BCL11B: variants seen among roughly 807,000 people sequenced by gnomAD.
BCL11B encodes the protein B-cell lymphoma/leukemia 11B.
Under a neutral mutation model 49.9 loss-of-function variants are expected in BCL11B, and 8 were observed. The observed-to-expected ratio is 0.16, with a 90% CI of 0.09 to 0.29. BCL11B has a LOEUF of 0.29. BCL11B is among the 10% of genes least tolerant of loss of function. BCL11B has a pLI of 1.00. For missense variants in BCL11B, 1,006 were observed against 1,351.0 expected (o/e 0.74, Z 4.00); for synonymous variants, 739 against 637.4 (o/e 1.16, Z -2.40).
chr14:99,251,157 G>A (rs753142330), intron 2 of BCL11B, among the ~76,000 whole-genome samples: 1 of 152,166 alleles, frequency 6.6e-6, no homozygotes, highest in Non-Finnish European at 1.5e-5. Context: ...GTCCTGACTC[G>A]AGATAATTGG....
At chr14:99,180,802 G>A (rs1886678524) in intron 3 of BCL11B, among the ~76,000 whole-genome samples, 1 of 152,174 alleles carries the variant, frequency 6.6e-6, no homozygotes, top group African/African-American at 2.4e-5. Context: ...AAACCCTGGA[G>A]GACATTTAAT....
In BCL11B at chr14:99,257,515, A is replaced by G. The variant is rs1889200887; in HGVS notation, c.383T>C (p.Leu128Pro). Reference protein sequence around the residue: ...QVTPDEDDHLLSPTKGICPKQ... With the variant: ...QVTPDEDDHLPSPTKGICPKQ... ...GGGACAGATGCCTTTCGTGGGTGAGAGCAGGTGGTCATCTTCGTCGGGGGT... is the reference window on the plus strand; with the variant it reads ...GGGACAGATGCCTTTCGTGGGTGAGGGCAGGTGGTCATCTTCGTCGGGGGT... Residue 128 changes from leucine to proline, a missense_variant, in exon 2 of 4, where the codon CTC becomes CCC. Transcript: ENST00000357195. The surrounding 1 kb of genome is among the most constrained non-coding windows in gnomAD (Gnocchi z 6.2). 5.0e-6 allele frequency: 8 copies of G among 1,612,942 alleles called. No individual in the cohort carries two copies. Among genetic ancestry groups the G allele is most frequent in the Non-Finnish European group, 6.8e-6 (8 of 1,179,244 alleles).
chr14:99,271,731 A>C lies in BCL11B; in HGVS notation c.-513T>G, dbSNP rs1889696649. ...AAAGCGCACTTCTACCAGGAGGGGA[A>C]AAAAAATGCAAACAAATAAAAAAAT... is the stretch of plus-strand genomic sequence containing the variant. On this transcript the variant is annotated 5_prime_UTR_variant, in exon 1 of 4. Coordinates refer to ENST00000357195, the MANE Select transcript of BCL11B (RefSeq NM_138576.4). 6.6e-6 allele frequency among the ~76,000 whole-genome samples: 1 copy of C among 151,848 alleles called. No homozygotes were observed. The highest frequency in any genetic ancestry group is 1.5e-5 in the Non-Finnish European group (1 of 67,990).
intron 3 of BCL11B, among the ~76,000 whole-genome samples, chr14:99,185,437 A>T (rs1298746992): frequency 1.4e-5 from 1 of 73,680 alleles, no homozygotes; most frequent in Non-Finnish European, 2.3e-5. Flanking sequence ...ACTCTGCCTT[A>T]AAAAAAAAGA....
Position 99,198,858 on chromosome 14 carries a change from G to C in BCL11B, c.641-22663C>G, listed in dbSNP as rs558778258. The stretch of plus-strand genomic sequence containing the variant: ...GTTTTAGAAAACTCTTCGGCGAATG[G>C]GGCTAGCAGGCTTCCGACTCTCTGC... On this transcript the variant is annotated intron_variant, in intron 3 of 3. Transcript: ENST00000357195. 4.6e-5 allele frequency among the ~76,000 whole-genome samples: 7 copies of C among 152,160 alleles called. No homozygotes were observed. In the South Asian group the frequency reaches 1.2e-3, roughly 27 times the overall value.
intron 3 of BCL11B, among the ~76,000 whole-genome samples, chr14:99,188,133 T>A (rs960299107): frequency 6.6e-6 from 1 of 152,232 alleles, no homozygotes; most frequent in African/African-American, 2.4e-5. Context: ...AAACAGCAGA[T>A]ATGCACTTGT....
chr14:99,257,739 A>G lies in BCL11B; in HGVS notation c.159T>C (p.Pro53=), dbSNP rs1889212646. 3.7e-6 allele frequency: 6 copies of G among 1,610,668 alleles called. No homozygotes were observed. Among genetic ancestry groups the G allele is most frequent in the Non-Finnish European group, 5.1e-6 (6 of 1,177,498 alleles). ...GACACTGGCCACAGGTGAGCAGGTCAGGGTCGGGGCCACCCACCATCAGCC... is the reference window on the plus strand; with the variant it reads ...GACACTGGCCACAGGTGAGCAGGTCGGGGTCGGGGCCACCCACCATCAGCC... ...GLGLMVGGPD[P]DLLTCGQCQM... Residue 53 remains proline, a synonymous_variant, in exon 2 of 4, where the codon CCT becomes CCC. Transcript: ENST00000357195. This position sits in a 1 kb window ranked among gnomAD's most constrained non-coding sequence, Gnocchi z 6.2.
In BCL11B at chr14:99,232,082, T is replaced by A. The variant is rs761578279; in HGVS notation, c.428-525A>T. On this transcript the variant is annotated intron_variant, in intron 2 of 3. Coordinates refer to ENST00000357195, the MANE Select transcript of BCL11B (RefSeq NM_138576.4). This position sits in a 1 kb window ranked among gnomAD's most constrained non-coding sequence, Gnocchi z 5.1. ...GGTCCGCCTCCAGGTGTCTGGGCTC[T>A]GTTAGCCTCCTGTCTGGCAGACCAC... Among the ~76,000 whole-genome samples the A allele has an allele frequency of 2.0e-5, 3 of 152,168 alleles. No homozygotes were observed. The highest frequency in any genetic ancestry group is 4.4e-5 in the Non-Finnish European group (3 of 68,016).
intron 3 of BCL11B, among the ~76,000 whole-genome samples, chr14:99,230,993 G>A (rs1888313550): frequency 6.6e-6 from 1 of 152,176 alleles, no homozygotes; most frequent in South Asian, 2.1e-4. Context: ...ATTGTCTGGG[G>A]TGGGGGAGGG....
At chr14:99,268,262 G>T (rs936176571) in intron 1 of BCL11B, among the ~76,000 whole-genome samples, 3 of 151,668 alleles carry the variant, frequency 2.0e-5, no homozygotes, top group African/African-American at 7.3e-5. Context: ...CTTCTCAGAC[G>T]CTCCCTCCCC....
At chr14:99,220,687 A>AG (rs1465439980) in intron 3 of BCL11B, among the ~76,000 whole-genome samples, 1 of 151,430 alleles carries the variant, frequency 6.6e-6, no homozygotes, top group East Asian at 1.9e-4. Flanking sequence ...CAATGTACTT[A>AG]TTGCCACCGA....
In BCL11B at chr14:99,228,995, CATGGATGA is replaced by C. The variant is rs1342124389; in HGVS notation, c.640+2342_640+2349del. ...GGATGCATGGATGGATGGATGGCTA[CATGGATGA>C]ATGGATGGATGGATGGATGGATGGA... On this transcript the variant is annotated intron_variant, in intron 3 of 3. Coordinates refer to ENST00000357195, the MANE Select transcript of BCL11B (RefSeq NM_138576.4). The surrounding 1 kb of genome is among the most constrained non-coding windows in gnomAD (Gnocchi z 4.8). 4.9e-5 allele frequency among the ~76,000 whole-genome samples: 4 copies of C among 81,260 alleles called. No homozygotes were observed. The highest frequency in any genetic ancestry group is 4.0e-4 in the South Asian group (1 of 2,528). 53.3% of individuals were successfully genotyped at this position (81,260 alleles called of 152,430 possible).
Position 99,262,708 on chromosome 14 carries a change from A to C in BCL11B, c.59-4869T>G, listed in dbSNP as rs73342800. On this transcript the variant is annotated intron_variant, in intron 1 of 3. Transcript: ENST00000357195. This position sits in a 1 kb window ranked among gnomAD's most constrained non-coding sequence, Gnocchi z 4.2. ...CCATAATCTACGAAGAGATCTTTTC[A>C]TCTCCTCTCCGTGAACACTTGGGGA... Among the ~76,000 whole-genome samples, 4 of 152,088 alleles carry C rather than the reference A, an allele frequency of 2.6e-5. No individual in the cohort carries two copies.
intron 2 of BCL11B, among the ~76,000 whole-genome samples, chr14:99,251,129 G>A (rs1888997067): frequency 6.6e-6 from 1 of 152,164 alleles, no homozygotes; most frequent in Non-Finnish European, 1.5e-5. Flanking sequence ...GGCACCCTGG[G>A]ATGGCAAAAA....
rs141416404 is a variant in BCL11B, at chr14:99,234,503, C to T, written c.428-2946G>A. 3.4e-4 allele frequency among the ~76,000 whole-genome samples: 52 copies of T among 152,248 alleles called. 1 individual carries two copies. Among genetic ancestry groups the T allele is most frequent in the Non-Finnish European group, 2.1e-4 (14 of 68,008 alleles). On this transcript the variant is annotated intron_variant, in intron 2 of 3. Coordinates refer to ENST00000357195, the MANE Select transcript of BCL11B (RefSeq NM_138576.4). Reference sequence around the variant, plus strand: ...CGCACAGAGGAAGCCACCAGAGCTCCCAGGCCGCACAGCCTTGAGGACCGA... The same window carrying T: ...CGCACAGAGGAAGCCACCAGAGCTCTCAGGCCGCACAGCCTTGAGGACCGA...
chr14:99,231,625 A>C lies in BCL11B; in HGVS notation c.428-68T>G. The C allele has an allele frequency of 2.7e-5, 38 of 1,382,630 alleles. No homozygotes were observed. Among genetic ancestry groups the C allele is most frequent in the Non-Finnish European group, 3.4e-5 (34 of 1,003,298 alleles). The allele number at this position is 1,382,630 out of a possible 1,614,324, so 85.6% of individuals were successfully genotyped here. A position where few individuals can be genotyped will look rare whatever the true frequency, so the allele number is the denominator to read the frequency against. On this transcript the variant is annotated intron_variant, in intron 2 of 3. Coordinates refer to ENST00000357195, the MANE Select transcript of BCL11B (RefSeq NM_138576.4). The surrounding 1 kb of genome is among the most constrained non-coding windows in gnomAD (Gnocchi z 8.1). ...GACTGTGTGAGGGGCACGGGGTGGG[A>C]CGGGGCTCGGGGCGTGGGGCTCTGC...
intron 2 of BCL11B, among the ~76,000 whole-genome samples, chr14:99,250,652 A>G (rs891460370): frequency 6.6e-6 from 1 of 152,200 alleles, no homozygotes; most frequent in African/African-American, 2.4e-5. Context: ...GCCTGATTAA[A>G]AAAACTTTAG....
intron 2 of BCL11B, among the ~76,000 whole-genome samples, chr14:99,245,751 C>A (rs1039485327): frequency 6.6e-6 from 1 of 152,174 alleles, no homozygotes; most frequent in African/African-American, 2.4e-5. Context: ...CCCGGGAGAG[C>A]GCCCAAGGGC....
rs1308052036 is a variant in BCL11B at position 99,194,777 on chromosome 14, CAGACG to C, written c.641-18587_641-18583del. On this transcript the variant is annotated intron_variant, in intron 3 of 3. Transcript: ENST00000357195. The surrounding 1 kb of genome is among the most constrained non-coding windows in gnomAD (Gnocchi z 4.6). The stretch of plus-strand genomic sequence containing the variant: ...CTCAAAAGCAGTCTCAACCGTGGAG[CAGACG>C]GCCTTCGATAATAGCAACCCCCGAG... Among the ~76,000 whole-genome samples the C allele has an allele frequency of 1.3e-5, 2 of 152,180 alleles. No individual in the cohort carries two copies. Among genetic ancestry groups the C allele is most frequent in the Non-Finnish European group, 2.9e-5 (2 of 68,022 alleles).
Sources: gnomAD v4.1 joint callset for allele counts (sites outside exome capture counted in the v4.1 genomes callset) on GRCh38, gnomAD v4.1.1 for gene constraint, Gnocchi (gnomAD v3.1) non-coding constraint, MANE v1.5 for transcripts, NCBI Gene and HGNC (gene_info 2026-07-23, HGNC 2026-07-21) for gene names.